ANO4: variants seen among roughly 807,000 people sequenced by gnomAD.
The protein encoded by ANO4 is anoctamin 4.
A neutral mutation model predicts 141.9 loss-of-function variants in ANO4; 69 were observed. That is an observed-to-expected ratio of 0.49 (90% CI 0.40 to 0.59). The LOEUF (loss-of-function observed/expected upper bound fraction) is 0.59, where lower values mean the gene tolerates loss of function less well. Ranked by LOEUF, ANO4 falls within the 20% of genes least tolerant of loss-of-function variation. The pLI is 0.00. For synonymous variants in ANO4, 350 were observed against 394.3 expected, an observed-to-expected ratio of 0.89 and a Z score of 1.33; for missense variants, 894 against 1,162.2, an observed-to-expected ratio of 0.77 and a Z score of 3.36.
intron 22 of ANO4, among the ~76,000 whole-genome samples, chr12:101,105,346 A>G (rs1323788631): frequency 1.3e-5 from 2 of 152,244 alleles, no homozygotes; most frequent in Admixed American, 1.3e-4. Flanking sequence ...TTGTTCCTAA[A>G]GAACTAGATA....
chr12:100,984,882 C>T (rs1308571663), intron 7 of ANO4, among the ~76,000 whole-genome samples: 1 of 151,740 alleles, frequency 6.6e-6, no homozygotes, highest in African/African-American at 2.4e-5. Flanking sequence ...CTGAAAGCTG[C>T]CATTTCACTC....
intron 1 of ANO4, among the ~76,000 whole-genome samples, chr12:100,896,788 G>C (rs1299884434): frequency 6.6e-6 from 1 of 152,192 alleles, no homozygotes; most frequent in Non-Finnish European, 1.5e-5. Context: ...ATAAACGCTA[G>C]AGCCTAAAGC....
chr12:100,815,234 G>A (rs2135717356), intron 1 of ANO4, among the ~76,000 whole-genome samples: 1 of 152,186 alleles, frequency 6.6e-6, no homozygotes, highest in East Asian at 1.9e-4. Flanking sequence ...CTTTAAATCT[G>A]ATAAACCTGA....
intron 1 of ANO4, 71 bp from the exon 2 acceptor site, chr12:100,901,575 T>C: frequency 1.6e-6 from 1 of 612,164 alleles, no homozygotes; most frequent in Admixed American, 3.1e-5. Context: ...GGACTTCATA[T>C]GAGAGCGTAA....
At chr12:100,795,488 T>C (rs1423128540) in intron 1 of ANO4, among the ~76,000 whole-genome samples, 1 of 152,146 alleles carries the variant, frequency 6.6e-6, no homozygotes, top group African/African-American at 2.4e-5. Flanking sequence ...TTATGTTGAG[T>C]CTGCTGTGGG....
intron 2 of ANO4, among the ~76,000 whole-genome samples, chr12:100,919,714 A>ATGTATGTG (rs1387651171): frequency 7.5e-6 from 1 of 133,918 alleles, no homozygotes; most frequent in African/African-American, 2.8e-5. Context: ...GTATGTATGT[A>ATGTATGTG]TGTATGTATG....
intron 1 of ANO4, among the ~76,000 whole-genome samples, chr12:100,889,499 A>T (rs1033086001): frequency 4.8e-4 from 73 of 152,350 alleles, no homozygotes; most frequent in Middle Eastern, 3.4e-3. Flanking sequence ...CTCATCTGAC[A>T]AAGGGCTAAT....
chr12:100,972,853 G>A (rs1326973561), intron 6 of ANO4, among the ~76,000 whole-genome samples: 1 of 152,198 alleles, frequency 6.6e-6, no homozygotes, highest in Admixed American at 6.5e-5. Flanking sequence ...AACCCAGGGA[G>A]ATGATAGAAA....
upstream of ANO4, among the ~76,000 whole-genome samples, chr12:100,793,645 A>G (rs972844261): frequency 3.9e-5 from 6 of 152,164 alleles, no homozygotes; most frequent in Non-Finnish European, 7.4e-5. Flanking sequence ...AAAGGGAGTT[A>G]TCTTTTCTGC....
intron 9 of ANO4, among the ~76,000 whole-genome samples, chr12:101,032,566 C>A (rs1396334977): frequency 6.6e-6 from 1 of 152,208 alleles, no homozygotes; most frequent in Admixed American, 6.5e-5. Flanking sequence ...TCAACCTACT[C>A]ATCTGACAGA....
At position 100,834,158 on chromosome 12, in the gene ANO4, G is replaced by C. The variant is rs187076186; in HGVS notation, c.-141+39131G>C. Among the ~76,000 whole-genome samples the C allele has an allele frequency of 1.5e-3, 230 of 152,280 alleles. 1 individual carries two copies. Among genetic ancestry groups the C allele is most frequent in the African/African-American group, 5.4e-3 (226 of 41,588 alleles). ...TTGTTGAGCAAGCCACCACCACCGA[G>C]GTGAATGAGCTCTGACTGCTTCTTC... On this transcript the variant is annotated intron_variant, in intron 1 of 27. Transcript: ENST00000392977.
At chr12:100,795,941 A>C (rs1257501630) in intron 1 of ANO4, among the ~76,000 whole-genome samples, 1 of 152,102 alleles carries the variant, frequency 6.6e-6, no homozygotes. Context: ...TCACAACTTC[A>C]AGTCTATTAC....
intron 1 of ANO4, among the ~76,000 whole-genome samples, chr12:100,732,923 C>G (rs907700254): frequency 1.9e-4 from 29 of 152,196 alleles, no homozygotes; most frequent in African/African-American, 6.8e-4. Flanking sequence ...AGAACATTTT[C>G]TGTTCACGGT....
At chr12:101,043,701 G>A (rs1269309047) in intron 13 of ANO4, 66 bp downstream of exon 13, 8 of 1,159,600 alleles carry the variant, frequency 6.9e-6, no homozygotes, top group Non-Finnish European at 9.0e-6. Context: ...GGGATGGTGG[G>A]TAACTCTATT....
At chr12:101,052,905 C>T (rs1279437612) in intron 14 of ANO4, among the ~76,000 whole-genome samples, 1 of 152,190 alleles carries the variant, frequency 6.6e-6, no homozygotes, top group East Asian at 1.9e-4. Context: ...AGAGGTTATG[C>T]AACTTGCCCA....
intron 8 of ANO4, among the ~76,000 whole-genome samples, chr12:100,988,002 T>A (rs1338716348): frequency 6.6e-6 from 1 of 152,178 alleles, no homozygotes; most frequent in Admixed American, 6.5e-5. Flanking sequence ...CCCTGCAGGC[T>A]CATCTGCATC....
chr12:100,872,545 G>C (rs2039085518), intron 1 of ANO4, among the ~76,000 whole-genome samples: 1 of 152,196 alleles, frequency 6.6e-6, no homozygotes, highest in Non-Finnish European at 1.5e-5. Context: ...AGCTAAGCAA[G>C]TCATTAAAAA....
At chr12:100,845,703 C>T (rs1200708877) in intron 1 of ANO4, among the ~76,000 whole-genome samples, 1 of 152,074 alleles carries the variant, frequency 6.6e-6, no homozygotes, top group Non-Finnish European at 1.5e-5. Flanking sequence ...CTCTGTAGTT[C>T]ACCCTAATAG....
intron 14 of ANO4, among the ~76,000 whole-genome samples, chr12:101,052,322 C>T (rs567243403): frequency 3.3e-5 from 5 of 152,194 alleles, no homozygotes; most frequent in African/African-American, 1.2e-4. Flanking sequence ...CCTCAATGCT[C>T]ATTTTTGTTC....
Sources: gnomAD v4.1 joint callset for allele counts (sites outside exome capture counted in the v4.1 genomes callset) on GRCh38, gnomAD v4.1.1 for gene constraint, MANE v1.5 for transcripts, NCBI Gene and HGNC (gene_info 2026-07-23, HGNC 2026-07-21) for gene names.